Variants in SLIT2 observed in about 807,000 individuals in gnomAD.
SLIT2 encodes the protein slit guidance ligand 2.
Under a neutral mutation model 185.7 loss-of-function variants are expected in SLIT2, and 41 were observed. The observed-to-expected ratio is 0.22, with a 90% CI of 0.17 to 0.29. The LOEUF (loss-of-function observed/expected upper bound fraction) is 0.29, where lower values mean the gene tolerates loss of function less well. Among genes scored for constraint, SLIT2 ranks in the 10% least tolerant of loss-of-function variants. The probability of loss-of-function intolerance (pLI) is 1.00; values close to 1 mark genes in which losing one functional copy is unlikely to be tolerated. For synonymous variants in SLIT2, 693 were observed against 680.2 expected (o/e 1.02, Z -0.29); for missense variants, 1,571 against 1,909.0 (o/e 0.82, Z 3.30).
chr4:20,507,183 A>G (rs560938161), intron 9 of SLIT2, among the ~76,000 whole-genome samples: 14 of 152,062 alleles, frequency 9.2e-5, no homozygotes, highest in Admixed American at 6.6e-5. Flanking sequence ...TCTTTGTTTT[A>G]TAACTTTCTG....
intron 15 of SLIT2, among the ~76,000 whole-genome samples, chr4:20,527,250 A>T (rs1427822901): frequency 1.3e-5 from 2 of 151,744 alleles, no homozygotes; most frequent in Non-Finnish European, 2.9e-5. Flanking sequence ...GGCACTCTAC[A>T]TATTACAGTG....
At chr4:20,591,906 C>A (rs1375391404) in intron 30 of SLIT2, among the ~76,000 whole-genome samples, 1 of 151,992 alleles carries the variant, frequency 6.6e-6, no homozygotes, top group African/African-American at 2.4e-5. Context: ...TATCTCCTCT[C>A]GCCATCAAAT....
intron 8 of SLIT2, among the ~76,000 whole-genome samples, chr4:20,491,066 G>A (rs564021630): frequency 2.6e-5 from 4 of 152,176 alleles, no homozygotes; most frequent in Non-Finnish European, 4.4e-5. Context: ...TTTAAAAATT[G>A]TTCCAAATAT....
chr4:20,294,563 A>T (rs1160759611), intron 4 of SLIT2, among the ~76,000 whole-genome samples: 1 of 152,072 alleles, frequency 6.6e-6, no homozygotes, highest in Non-Finnish European at 1.5e-5. Context: ...TTTTTTGTTT[A>T]GTTGTGTTTT....
chr4:20,448,050 A>G (rs1048727950), intron 4 of SLIT2, among the ~76,000 whole-genome samples: 1 of 152,230 alleles, frequency 6.6e-6, no homozygotes. Context: ...TTGTATCTAC[A>G]TGGTAATACT....
chr4:20,256,644 AACTTTC>A (rs1382327541), intron 1 of SLIT2, 22 bp from the exon 2 acceptor site: 3 of 1,186,500 alleles, frequency 2.5e-6, no homozygotes, highest in African/African-American at 3.1e-5. Flanking sequence ...AATAAAATGG[AACTTTC>A]ACTTTCTGGT....
chr4:20,536,016 T>A (rs1426557416), intron 18 of SLIT2, among the ~76,000 whole-genome samples: 1 of 152,222 alleles, frequency 6.6e-6, no homozygotes, highest in Non-Finnish European at 1.5e-5. Flanking sequence ...GTGCAGCATG[T>A]TACTGTACTG....
intron 4 of SLIT2, among the ~76,000 whole-genome samples, chr4:20,383,582 G>C (rs1300918317): frequency 1.3e-5 from 2 of 152,176 alleles, no homozygotes; most frequent in African/African-American, 4.8e-5. Context: ...TAGCAACCAT[G>C]TGAAACAACT....
rs201579432 is a variant in SLIT2 at position 20,559,579 on chromosome 4, A to AAT, written c.2725+5613_2725+5614dup. Among the ~76,000 whole-genome samples, 39 of 152,086 alleles carry AAT rather than the reference A, an allele frequency of 2.6e-4. No individual in the cohort carries two copies. In the East Asian group the frequency reaches 6.0e-3, roughly 23 times the overall value. ...TACCACTACAAATAATAATAACAAT[A>AAT]ATAGCTAAGTTCTATTGAATAGTTT... On this transcript the variant is annotated intron_variant, in intron 26 of 36. Transcript: ENST00000504154.
intron 33 of SLIT2, among the ~76,000 whole-genome samples, chr4:20,598,837 C>T (rs1296319167): frequency 6.6e-6 from 1 of 152,158 alleles, no homozygotes; most frequent in East Asian, 1.9e-4. Context: ...CACTCTCTTT[C>T]CTCCCAACAA....
chr4:20,438,729 C>T (rs932036593), intron 4 of SLIT2, among the ~76,000 whole-genome samples: 1 of 152,206 alleles, frequency 6.6e-6, no homozygotes, highest in African/African-American at 2.4e-5. Flanking sequence ...ACAACACTTG[C>T]CCCCTTTCTG....
At chr4:20,428,448 G>A (rs1235395285) in intron 4 of SLIT2, among the ~76,000 whole-genome samples, 1 of 152,014 alleles carries the variant, frequency 6.6e-6, no homozygotes, top group African/African-American at 2.4e-5. Context: ...TGTGTTTTGA[G>A]GTTTTTTGTT....
At chr4:20,402,067 C>A (rs887309365) in intron 4 of SLIT2, among the ~76,000 whole-genome samples, 1 of 151,666 alleles carries the variant, frequency 6.6e-6, no homozygotes, top group Non-Finnish European at 1.5e-5. Context: ...ACACTCTGAA[C>A]CTCTAAGAGC....
rs145331421 is a variant in SLIT2 at position 20,509,028 on chromosome 4, ATGTG to A, written c.915-1455_915-1452del. ...TTAAATGTTACGCGTGTGTGTGTGCATGTGTGTGTGTGTGTATGCGTTAAAGTAT... is the reference window on the plus strand; with the variant it reads ...TTAAATGTTACGCGTGTGTGTGTGCATGTGTGTGTGTATGCGTTAAAGTAT... On this transcript the variant is annotated intron_variant, in intron 9 of 36. Transcript: ENST00000504154. 2.0e-5 allele frequency among the ~76,000 whole-genome samples: 3 copies of A among 150,438 alleles called. No homozygotes were observed. The East Asian group carries it at 5.8e-4, about 29-fold the overall frequency.
intron 4 of SLIT2, chr4:20,364,275 A>G (rs918458818): frequency 3.0e-6 from 3 of 985,158 alleles, no homozygotes; most frequent in African/African-American, 3.5e-5. Flanking sequence ...CTGCCTGCAC[A>G]TATGAAAGGG....
At chr4:20,334,570 C>T (rs896692556) in intron 4 of SLIT2, among the ~76,000 whole-genome samples, 1 of 152,106 alleles carries the variant, frequency 6.6e-6, no homozygotes, top group African/African-American at 2.4e-5. Context: ...ATTACATAAT[C>T]CTACACTCAG....
intron 11 of SLIT2, among the ~76,000 whole-genome samples, chr4:20,517,253 G>T (rs1463713617): frequency 6.6e-6 from 1 of 152,096 alleles, no homozygotes; most frequent in Admixed American, 6.6e-5. Flanking sequence ...TGAGACATGG[G>T]CAGATGATGG....
intron 29 of SLIT2, among the ~76,000 whole-genome samples, chr4:20,582,819 G>A (rs1023270707): frequency 2.6e-5 from 4 of 152,128 alleles, no homozygotes; most frequent in African/African-American, 7.2e-5. Flanking sequence ...GCACTTTGGG[G>A]CCATTATTAA....
chr4:20,325,232 A>G (rs1719465863), intron 4 of SLIT2, among the ~76,000 whole-genome samples: 3 of 151,816 alleles, frequency 2.0e-5, no homozygotes, highest in African/African-American at 7.3e-5. Flanking sequence ...AGTTGATCTT[A>G]CTTCTGCTCA....
Sources: allele counts gnomAD v4.1 joint callset (sites outside exome capture counted in the v4.1 genomes callset), GRCh38; gene constraint gnomAD v4.1.1; transcripts MANE v1.5; gene names NCBI Gene and HGNC (gene_info 2026-07-23, HGNC 2026-07-21).